The following PHEX variants were observed in gnomAD, a reference collection of about 807,000 sequenced individuals.
The protein encoded by PHEX is phosphate-regulating neutral endopeptidase PHEX.
PHEX carries 16 observed loss-of-function variants against 68.0 expected under a neutral mutation model. That is an observed-to-expected ratio of 0.24 (90% CI 0.16 to 0.36). The LOEUF is 0.36. Ranked by LOEUF, PHEX falls within the 10% of genes least tolerant of loss-of-function variation. The pLI is 1.00. For missense variants in PHEX, 480 were observed against 575.5 expected (o/e 0.83, Z 1.70); for synonymous variants, 208 against 205.1 (o/e 1.01, Z -0.12).
Position 22,099,257 on chromosome X carries a change from CAA to C in PHEX, c.1079+109_1079+110del, listed in dbSNP as rs766318717. ...AAACTGTTTTTAAAGAATGTTACATCAAAAGAGTCATAGGGAAAATCCCGGTG... is the reference window on the plus strand; with the variant it reads ...AAACTGTTTTTAAAGAATGTTACATCAAGAGTCATAGGGAAAATCCCGGTG... On this transcript the variant is annotated intron_variant, in intron 9 of 21. Transcript: ENST00000379374. 1.7e-4 allele frequency: 131 copies of C among 772,667 alleles called. 1 individual carries two copies. The East Asian group carries it at 4.1e-3, about 24-fold the overall frequency. 63.7% of individuals were successfully genotyped at this position (772,667 alleles called of 1,213,427 possible). A position where few individuals can be genotyped will look rare whatever the true frequency, so the allele number is the denominator to read the frequency against.
At position 22,244,933 on chromosome X, in the gene PHEX, A is replaced by G. The variant is rs144800731; in HGVS notation, c.2071-400A>G. 1.2e-4 allele frequency among the ~76,000 whole-genome samples: 13 copies of G among 111,839 alleles called. No individual in the cohort carries two copies. In the East Asian group the frequency reaches 3.4e-3, roughly 29 times the overall value. ...GCAAGGCACTCAGGGGCAGACTACTAACTTCTCATCACCATCCTCAATAAT... is the reference window on the plus strand; with the variant it reads ...GCAAGGCACTCAGGGGCAGACTACTGACTTCTCATCACCATCCTCAATAAT... On this transcript the variant is annotated intron_variant, in intron 20 of 21. Coordinates refer to ENST00000379374, the MANE Select transcript of PHEX (RefSeq NM_000444.6).
intron 20 of PHEX, among the ~76,000 whole-genome samples, chrX:22,242,631 A>G (rs1447315657): frequency 8.9e-6 from 1 of 111,798 alleles, no homozygotes; most frequent in African/African-American, 3.3e-5. Context: ...CTATACACCA[A>G]TAACAGACAA....
At chrX:22,142,300 G>A (rs975548733) in intron 12 of PHEX, among the ~76,000 whole-genome samples, 5 of 112,085 alleles carry the variant, frequency 4.5e-5, no homozygotes, top group Admixed American at 9.5e-5. Context: ...TCTTCTAGTG[G>A]TGGCACAGGA....
chrX:22,162,853 A>AT (rs1857855184), intron 12 of PHEX: 1 of 111,040 alleles, frequency 9.0e-6, no homozygotes, highest in Non-Finnish European at 1.9e-5. Context: ...CAGCATGTAG[A>AT]TTTTTTCCTC....
chrX:22,201,496 A>G (rs1934555829), intron 15 of PHEX, among the ~76,000 whole-genome samples: 1 of 110,501 alleles, frequency 9.0e-6, no homozygotes, highest in African/African-American at 3.3e-5. Flanking sequence ...TGCTACACCG[A>G]TTTTAAGGCA....
chrX:22,097,637 C>T (rs1457063310), intron 8 of PHEX: 1 of 385,237 alleles, frequency 2.6e-6, no homozygotes, highest in Non-Finnish European at 3.3e-6. Context: ...TTTTCCGTTT[C>T]AACAGTGGAC....
At chrX:22,176,062 A>G (rs1257953105) in intron 13 of PHEX, among the ~76,000 whole-genome samples, 2 of 111,406 alleles carry the variant, frequency 1.8e-5, no homozygotes, top group African/African-American at 3.3e-5. Context: ...TTCTGAGGCT[A>G]AAAGAAAACC....
chrX:22,218,355 T>C (rs1935157597), intron 16 of PHEX, among the ~76,000 whole-genome samples: 1 of 111,388 alleles, frequency 9.0e-6, no homozygotes, highest in South Asian at 3.8e-4. Flanking sequence ...TGTCTCTTGA[T>C]GGGAGGAGGG....
chrX:22,151,745 CTTCT>C (rs755214923), intron 12 of PHEX, among the ~76,000 whole-genome samples: 6 of 112,016 alleles, frequency 5.4e-5, no homozygotes, highest in African/African-American at 1.9e-4. Context: ...CTGCTTTCTG[CTTCT>C]TTATCATTCT....
intron 3 of PHEX, among the ~76,000 whole-genome samples, chrX:22,050,586 A>C (rs1927782115): frequency 1.8e-5 from 2 of 109,466 alleles, no homozygotes; most frequent in South Asian, 7.8e-4. Flanking sequence ...AAAAAAAAAA[A>C]AAAAAAACAG....
chrX:22,117,296 G>C (rs4824227), intron 11 of PHEX, among the ~76,000 whole-genome samples: 24,653 of 110,557 alleles, frequency 0.22, 2,088 homozygotes, highest in Non-Finnish European at 0.25. Context: ...CTCGTTATTG[G>C]GCCGTGAGAA....
At chrX:22,054,114 G>C (rs1927964603) in intron 3 of PHEX, among the ~76,000 whole-genome samples, 1 of 111,662 alleles carries the variant, frequency 9.0e-6, no homozygotes. Context: ...ACTTCATAAA[G>C]TTCTTAATTT....
At chrX:22,059,240 C>A (rs1928255055) in intron 3 of PHEX, among the ~76,000 whole-genome samples, 1 of 112,174 alleles carries the variant, frequency 8.9e-6, no homozygotes, top group Admixed American at 9.5e-5. Flanking sequence ...TTTTCACTAA[C>A]CTCTCACAGA....
intron 9 of PHEX, among the ~76,000 whole-genome samples, chrX:22,100,586 C>T (rs182224412): frequency 1.3e-4 from 15 of 111,384 alleles, no homozygotes; most frequent in African/African-American, 4.2e-4. Context: ...AGAGTAGGTA[C>T]TTCTGAACAC....
chrX:22,112,939 C>T (rs755985064), intron 10 of PHEX, among the ~76,000 whole-genome samples: 1 of 107,915 alleles, frequency 9.3e-6, no homozygotes, highest in South Asian at 4.1e-4. Context: ...TTACAGAGAA[C>T]AGCATAAAAC....
At chrX:22,097,122 T>A in intron 8 of PHEX, 84 bp downstream of exon 8, 1 of 667,212 alleles carries the variant, frequency 1.5e-6, no homozygotes, top group Non-Finnish European at 2.5e-6. Flanking sequence ...AATTTGTGTC[T>A]TGTAAAACCT....
intron 3 of PHEX, among the ~76,000 whole-genome samples, chrX:22,053,460 G>A (rs183255701): frequency 1.4e-4 from 16 of 111,489 alleles, no homozygotes; most frequent in African/African-American, 3.9e-4. Context: ...CTCAGATTCC[G>A]ACTTGGGAAA....
rs5951517 is a variant in PHEX at position 22,222,047 on chromosome X, T to C, written c.1899+304T>C. ...GTAGATGAATTTAGGTAAAAATCCA[T>C]GTGCTTCTTTTAAAGGGAATGTTTA... On this transcript the variant is annotated intron_variant, in intron 18 of 21. Coordinates refer to ENST00000379374, the MANE Select transcript of PHEX (RefSeq NM_000444.6). Among the ~76,000 whole-genome samples the C allele has an allele frequency of 0.33, 36,145 of 110,668 alleles. 4,527 individuals are homozygous for C. Among genetic ancestry groups the C allele is most frequent in the African/African-American group, 0.37 (11,392 of 30,406 alleles).
chrX:22,231,165 T>C (rs903289050), intron 20 of PHEX, among the ~76,000 whole-genome samples: 1 of 112,575 alleles, frequency 8.9e-6, no homozygotes, highest in African/African-American at 3.2e-5. Context: ...CTGGATTTGG[T>C]TTGCAAGTAT....
Sources: allele counts gnomAD v4.1 joint callset (sites outside exome capture counted in the v4.1 genomes callset), GRCh38; gene constraint gnomAD v4.1.1; transcripts MANE v1.5; gene names NCBI Gene and HGNC (gene_info 2026-07-23, HGNC 2026-07-21).